Variants in SPAG1 observed in about 807,000 individuals in gnomAD.
The protein encoded by SPAG1 is sperm-associated antigen 1.
A neutral mutation model predicts 100.5 loss-of-function variants in SPAG1; 69 were observed. That is an observed-to-expected ratio of 0.69 (90% CI 0.57 to 0.84). The LOEUF is 0.84. Among genes scored for constraint, SPAG1 ranks in the 40% least tolerant of loss-of-function variants. The pLI is 0.00. For missense variants in SPAG1, 955 were observed against 1,133.1 expected (o/e 0.84, Z 2.26); for synonymous variants, 336 against 411.6 (o/e 0.82, Z 2.22).
At chr8:100,198,936 G>C (rs887870893) in intron 10 of SPAG1, among the ~76,000 whole-genome samples, 1 of 152,118 alleles carries the variant, frequency 6.6e-6, no homozygotes, top group East Asian at 1.9e-4. Context: ...CATCTATGTT[G>C]CATCTTGCAT....
At chr8:100,210,092 T>A (rs990756953) in intron 10 of SPAG1, among the ~76,000 whole-genome samples, 1 of 152,146 alleles carries the variant, frequency 6.6e-6, no homozygotes, top group Admixed American at 6.5e-5. Context: ...AAGGGAAAGC[T>A]TTCATTACTT....
At chr8:100,166,239 T>G (rs190544494) in intron 3 of SPAG1, among the ~76,000 whole-genome samples, 37 of 152,318 alleles carry the variant, frequency 2.4e-4, no homozygotes, top group Middle Eastern at 6.8e-3. Flanking sequence ...TAGTGCTGTA[T>G]AAACATGTTT....
intron 2 of SPAG1, 126 bp downstream of exon 2, chr8:100,162,546 G>C (rs1815358883): frequency 2.7e-6 from 2 of 734,866 alleles, no homozygotes; most frequent in Admixed American, 3.5e-5. Context: ...TCCCAAAATA[G>C]TGGTTTTGAT....
chr8:100,166,782 CT>C (rs1256340667), intron 3 of SPAG1, among the ~76,000 whole-genome samples: 1 of 152,040 alleles, frequency 6.6e-6, no homozygotes, highest in Non-Finnish European at 1.5e-5. Context: ...TGGCATGTGT[CT>C]GTAATCCCAG....
At chr8:100,175,800 GGAACCAATACAGAAAAAGTGTTCTT>G (rs1259934524) in intron 3 of SPAG1, among the ~76,000 whole-genome samples, 1 of 152,150 alleles carries the variant, frequency 6.6e-6, no homozygotes, top group Non-Finnish European at 1.5e-5. Context: ...AAGCATTGAT[GGAACCAATACAGAAAAAGTGTTCTT>G]GAACCAATAC....
chr8:100,231,360 T>C (rs1331407089), intron 15 of SPAG1, 72 bp downstream of exon 15: 2 of 1,106,782 alleles, frequency 1.8e-6, no homozygotes, highest in East Asian at 5.4e-5. Context: ...TAAGTTATTT[T>C]ATTAACACAA....
intron 14 of SPAG1, among the ~76,000 whole-genome samples, chr8:100,226,642 G>T (rs1818526730): frequency 6.6e-6 from 1 of 152,062 alleles, no homozygotes; most frequent in Non-Finnish European, 1.5e-5. Flanking sequence ...GGTTGAGGCT[G>T]CAGTGAGCTG....
chr8:100,201,993 TG>T (rs768834695), intron 10 of SPAG1, among the ~76,000 whole-genome samples: 3 of 152,178 alleles, frequency 2.0e-5, no homozygotes, highest in Non-Finnish European at 4.4e-5. Flanking sequence ...TGAAACCTGT[TG>T]GTGAGAAGTT....
intron 3 of SPAG1, among the ~76,000 whole-genome samples, chr8:100,176,616 C>T (rs753742567): frequency 9.2e-5 from 14 of 152,162 alleles, no homozygotes; most frequent in Non-Finnish European, 1.8e-4. Context: ...CTGCCCGCTT[C>T]GGCCTCCCGA....
At chr8:100,161,248 G>A (rs1815292792) in intron 1 of SPAG1, among the ~76,000 whole-genome samples, 2 of 152,134 alleles carry the variant, frequency 1.3e-5, no homozygotes, top group South Asian at 2.1e-4. Flanking sequence ...GGAGTCTGAG[G>A]TGGGAGGATC....
At chr8:100,220,470 T>C (rs1406662563) in intron 13 of SPAG1, 39 bp downstream of exon 13, 3 of 1,566,526 alleles carry the variant, frequency 1.9e-6, no homozygotes, top group South Asian at 2.3e-5. Context: ...TCTAGTTGTT[T>C]TATACTGTTT....
chr8:100,182,284 T>C (rs868029254), intron 4 of SPAG1, among the ~76,000 whole-genome samples: 1 of 152,170 alleles, frequency 6.6e-6, no homozygotes, highest in Non-Finnish European at 1.5e-5. Context: ...TCTTTAGCAG[T>C]GGGAATGTGG....
chr8:100,205,380 C>A (rs190471215), intron 10 of SPAG1, among the ~76,000 whole-genome samples: 7 of 152,162 alleles, frequency 4.6e-5, no homozygotes, highest in African/African-American at 1.7e-4. Flanking sequence ...TCCAGGAGAC[C>A]CAAAACATCA....
At chr8:100,198,788 T>G (rs911494033) in intron 10 of SPAG1, among the ~76,000 whole-genome samples, 1 of 152,172 alleles carries the variant, frequency 6.6e-6, no homozygotes, top group African/African-American at 2.4e-5. Flanking sequence ...TTACTGCCCA[T>G]TTTACCCTTC....
At chr8:100,202,291 TTTTA>T (rs946134815) in intron 10 of SPAG1, among the ~76,000 whole-genome samples, 11 of 152,134 alleles carry the variant, frequency 7.2e-5, no homozygotes, top group African/African-American at 2.7e-4. Context: ...TCTGTTTTGT[TTTTA>T]TTTGTTTTTA....
chr8:100,164,935 A>G (rs1371920491), intron 2 of SPAG1, among the ~76,000 whole-genome samples: 1 of 152,190 alleles, frequency 6.6e-6, no homozygotes, highest in Non-Finnish European at 1.5e-5. Flanking sequence ...TTTCCAAAAA[A>G]TTATCAGAAG....
chr8:100,234,529 GTTTGGCTTC>G (rs1818916817), intron 16 of SPAG1, among the ~76,000 whole-genome samples: 1 of 152,124 alleles, frequency 6.6e-6, no homozygotes, highest in Non-Finnish European at 1.5e-5. Flanking sequence ...GGACTCTACT[GTTTGGCTTC>G]TTTCAGCATA....
intron 9 of SPAG1, among the ~76,000 whole-genome samples, chr8:100,192,785 T>A (rs1324271904): frequency 2.0e-5 from 3 of 152,166 alleles, no homozygotes; most frequent in Non-Finnish European, 4.4e-5. Context: ...TGTAGTGTGG[T>A]GGGAACATGG....
intron 1 of SPAG1, 87 bp from the exon 2 acceptor site, chr8:100,162,192 T>C: frequency 1.8e-6 from 2 of 1,132,198 alleles, no homozygotes; most frequent in Non-Finnish European, 2.5e-6. Context: ...TTCAAAAAAA[T>C]ACAAAGAAGT....
Sources: gnomAD v4.1 joint callset for allele counts (sites outside exome capture counted in the v4.1 genomes callset) on GRCh38, gnomAD v4.1.1 for gene constraint, MANE v1.5 for transcripts, NCBI Gene and HGNC (gene_info 2026-07-23, HGNC 2026-07-21) for gene names.